HMCN2: variants seen among roughly 807,000 people sequenced by gnomAD.
HMCN2 encodes the protein hemicentin-2.
Under a neutral mutation model 377.5 loss-of-function variants are expected in HMCN2, and 325 were observed. The ratio of observed to expected loss-of-function variants is 0.86; its 90% CI spans 0.79 to 0.94. HMCN2 has a LOEUF of 0.94. HMCN2 is among the 40% of genes least tolerant of loss of function. The pLI, the probability that HMCN2 is intolerant of heterozygous loss-of-function variation, is 0.00. For missense variants in HMCN2, 4,543 were observed against 4,725.3 expected (o/e 0.96, Z 1.13); for synonymous variants, 2,007 against 2,046.8 (o/e 0.98, Z 0.53).
At chr9:130,334,466 T>C (rs1267820096) in intron 22 of HMCN2, among the ~76,000 whole-genome samples, 2 of 151,932 alleles carry the variant, frequency 1.3e-5, no homozygotes, top group Admixed American at 1.3e-4. Flanking sequence ...AGCAGAATCC[T>C]CCTTCTAGGA....
intron 37 of HMCN2, among the ~76,000 whole-genome samples, chr9:130,359,666 G>C (rs1011982755): frequency 3.9e-5 from 6 of 152,320 alleles, no homozygotes; most frequent in African/African-American, 1.2e-4. Context: ...AGGGCTGTCC[G>C]GGGCTAGGGG....
intron 53 of HMCN2, among the ~76,000 whole-genome samples, chr9:130,378,647 G>A (rs1841532413): frequency 6.6e-6 from 1 of 152,066 alleles, no homozygotes; most frequent in South Asian, 2.1e-4. Flanking sequence ...CGATGGATAA[G>A]TGTTCAGAAC....
intron 15 of HMCN2, among the ~76,000 whole-genome samples, chr9:130,315,147 C>G (rs1837464048): frequency 6.8e-6 from 1 of 147,522 alleles, no homozygotes; most frequent in Admixed American, 6.8e-5. Context: ...GTTACCCCTT[C>G]CCTTTGAACC....
rs1014694681 is a variant in HMCN2, at chr9:130,265,846, A to G, written c.-33A>G. The stretch of plus-strand genomic sequence containing the variant: ...CCGGCTAGCTCCGACCTGCGCCTCC[A>G]CCGCAGCACCCGCAGCCAGAGCCGC... On this transcript the variant is annotated 5_prime_UTR_variant, in exon 1 of 98. Coordinates refer to ENST00000683500, the MANE Select transcript of HMCN2 (RefSeq NM_001291815.2). 1 of 324,152 alleles carries G rather than the reference A, an allele frequency of 3.1e-6. No homozygotes were observed. The highest frequency in any genetic ancestry group is 5.9e-6 in the Non-Finnish European group (1 of 168,822). The allele number at this position is 324,152 out of a possible 1,614,324, so 20.1% of individuals were successfully genotyped here.
At chr9:130,285,022 G>A (rs1835343134) in intron 2 of HMCN2, 136 bp from the exon 3 acceptor site, 7 of 377,144 alleles carry the variant, frequency 1.9e-5, no homozygotes, top group South Asian at 1.4e-4. Flanking sequence ...TCGTGTCTCC[G>A]GGAAGAAAGT....
At position 130,344,364 on chromosome 9, in the gene HMCN2, T is replaced by C. The variant is rs922808442; in HGVS notation, c.3829+1928T>C. The stretch of plus-strand genomic sequence containing the variant: ...TGTGATGTGTGTATGTAGTATGTGG[T>C]GTGTGTGTGTGGTGTTTGGCATGTA... On this transcript the variant is annotated intron_variant, in intron 25 of 97. Coordinates refer to ENST00000683500, the MANE Select transcript of HMCN2 (RefSeq NM_001291815.2). Among the ~76,000 whole-genome samples, 4 of 150,342 alleles carry C rather than the reference T, an allele frequency of 2.7e-5. No individual in the cohort carries two copies. The South Asian group carries it at 8.3e-4, about 31-fold the overall frequency.
rs375397706 is a variant in HMCN2 at position 130,409,373 on chromosome 9, C to G, written c.12879+440C>G. Among the ~76,000 whole-genome samples, 3 of 152,342 alleles carry G rather than the reference C, an allele frequency of 2.0e-5. No homozygotes were observed. The East Asian group carries it at 5.8e-4, about 29-fold the overall frequency. ...AGGCAGCGCCCCCACCCCCAGGTCT[C>G]CTGCCTCAGGCCCCGTGCTGTTTCC... On this transcript the variant is annotated intron_variant, in intron 84 of 97. Coordinates refer to ENST00000683500, the MANE Select transcript of HMCN2 (RefSeq NM_001291815.2).
chr9:130,381,586 C>A (rs374408487), intron 54 of HMCN2, among the ~76,000 whole-genome samples: 3 of 152,158 alleles, frequency 2.0e-5, no homozygotes, highest in African/African-American at 4.8e-5. Flanking sequence ...CCAGGTTGGT[C>A]TTGAACTACT....
rs149428518 is a variant in HMCN2 at position 130,296,502 on chromosome 9, T to C, written c.892-172T>C. 3.2e-4 allele frequency among the ~76,000 whole-genome samples: 48 copies of C among 152,208 alleles called. No homozygotes were observed. The South Asian group carries it at 5.8e-3, about 18-fold the overall frequency. On this transcript the variant is annotated intron_variant, in intron 6 of 97. Coordinates refer to ENST00000683500, the MANE Select transcript of HMCN2 (RefSeq NM_001291815.2). ...TAAGCTGGGGCTTCAGCTCCTTCAT[T>C]TGGGGAGCATCGTGCTGGGCCCCTT...
intron 27 of HMCN2, 51 bp from the exon 28 acceptor site, chr9:130,348,933 G>T (rs963404111): frequency 8.6e-6 from 11 of 1,284,106 alleles, no homozygotes; most frequent in Non-Finnish European, 1.1e-5. Context: ...TGATGCTGGG[G>T]GTGGTGGCTG....
intron 37 of HMCN2, 109 bp downstream of exon 37, chr9:130,359,523 TC>T (rs934583383): frequency 7.1e-6 from 3 of 424,856 alleles, no homozygotes; most frequent in African/African-American, 6.2e-5. Flanking sequence ...GGAGAAATCA[TC>T]AGGTCTTTCC....
At position 130,418,887 on chromosome 9, in the gene HMCN2, G is replaced by A. The variant is rs1466726497; in HGVS notation, c.13077G>A (p.Ala4359=). The A allele has an allele frequency of 2.6e-5, 41 of 1,549,714 alleles. No individual in the cohort carries two copies. Among genetic ancestry groups the A allele is most frequent in the African/African-American group, 4.1e-5 (3 of 73,042 alleles). The change falls in exon 86 of 98, where the codon GCG becomes GCA. Residue 4359 remains alanine, a synonymous_variant. Transcript: ENST00000683500. ...EPTPTIEWLQ[A]GQPLRASRRL... is the part of the protein sequence containing the mutation. The stretch of plus-strand genomic sequence containing the variant: ...CACCCACCATTGAATGGCTACAGGC[G>A]GGTCAACCCTTGCGGGCCAGCCGGC...
intron 1 of HMCN2, among the ~76,000 whole-genome samples, chr9:130,280,960 G>A (rs1040059228): frequency 6.6e-6 from 1 of 151,898 alleles, no homozygotes; most frequent in Admixed American, 6.6e-5. Context: ...AAAATTAGCC[G>A]AGCATGGTGA....
chr9:130,403,088 C>A lies in HMCN2; in HGVS notation c.11879-106C>A, dbSNP rs1842930526. 4 of 1,134,044 alleles carry A rather than the reference C, an allele frequency of 3.5e-6. No individual in the cohort carries two copies. The South Asian group carries it at 6.0e-5, about 17-fold the overall frequency. The allele number at this position is 1,134,044 out of a possible 1,614,324, so 70.2% of individuals were successfully genotyped here. A position where few individuals can be genotyped will look rare whatever the true frequency, so the allele number is the denominator to read the frequency against. ...TTGCTGTGGCCGATGTTTCTAGAAC[C>A]CCCGTTCTCCTTAGAGGCCTCTCTC... On this transcript the variant is annotated intron_variant, in intron 78 of 97. Coordinates refer to ENST00000683500, the MANE Select transcript of HMCN2 (RefSeq NM_001291815.2).
rs1843586649 is a variant in HMCN2, at chr9:130,414,509, C to A, written c.12961+3857C>A. Among the ~76,000 whole-genome samples, 1 of 151,782 alleles carries A rather than the reference C, an allele frequency of 6.6e-6. No individual in the cohort carries two copies. The highest frequency in any genetic ancestry group is 6.6e-5 in the Admixed American group (1 of 15,224). On this transcript the variant is annotated intron_variant, in intron 85 of 97. Coordinates refer to ENST00000683500, the MANE Select transcript of HMCN2 (RefSeq NM_001291815.2). This position sits in a 1 kb window ranked among gnomAD's most constrained non-coding sequence, Gnocchi z 4.4. ...CTGAAACTCACTTACACACCAGGAACAAGGAAAAGCTCAACTTACACACCA... is the reference window on the plus strand; with the variant it reads ...CTGAAACTCACTTACACACCAGGAAAAAGGAAAAGCTCAACTTACACACCA...
chr9:130,289,345 G>T (rs1370612833), intron 4 of HMCN2, among the ~76,000 whole-genome samples: 2 of 152,160 alleles, frequency 1.3e-5, no homozygotes, highest in Non-Finnish European at 2.9e-5. Flanking sequence ...GAAGATGGGG[G>T]GGTGAGGGGG....
At chr9:130,285,826 C>G (rs1835384660) in intron 3 of HMCN2, among the ~76,000 whole-genome samples, 1 of 152,194 alleles carries the variant, frequency 6.6e-6, no homozygotes, top group Admixed American at 6.5e-5. Context: ...TCTCTGCCGC[C>G]ACGTCTAGAA....
intron 74 of HMCN2, 33 bp downstream of exon 74, chr9:130,397,688 GTCCCT>G: frequency 7.8e-7 from 1 of 1,287,774 alleles, no homozygotes; most frequent in Non-Finnish European, 1.0e-6. Context: ...TCAGTGTCCA[GTCCCT>G]GTCGGGGTCC....
rs1177238819 is a variant in HMCN2 at position 130,273,388 on chromosome 9, G to A, written c.259+7251G>A. On this transcript the variant is annotated intron_variant, in intron 1 of 97. Transcript: ENST00000683500. Reference sequence around the variant, plus strand: ...AGCTTGTCCAAATTATAATACTGTCGCTTCTTTTCCAATCAAATATTTCAC... The same window carrying A: ...AGCTTGTCCAAATTATAATACTGTCACTTCTTTTCCAATCAAATATTTCAC... 5.3e-5 allele frequency among the ~76,000 whole-genome samples: 8 copies of A among 151,888 alleles called. No individual in the cohort carries two copies. In the East Asian group the frequency reaches 5.8e-4, roughly 11 times the overall value.
Sources: allele counts gnomAD v4.1 joint callset (sites outside exome capture counted in the v4.1 genomes callset), GRCh38; gene constraint gnomAD v4.1.1; non-coding constraint Gnocchi (gnomAD v3.1); transcripts MANE v1.5; gene names NCBI Gene and HGNC (gene_info 2026-07-23, HGNC 2026-07-21).